The following WASF1 variants were observed in gnomAD, a reference collection of about 807,000 sequenced individuals.
WASF1 encodes WASP family member 1.
A neutral mutation model predicts 50.5 loss-of-function variants in WASF1; 7 were observed. That is an observed-to-expected ratio of 0.14 (90% CI 0.08 to 0.26). The LOEUF is 0.26. Among genes scored for constraint, WASF1 ranks in the 10% least tolerant of loss-of-function variants. The probability of loss-of-function intolerance (pLI) is 1.00; values close to 1 mark genes in which losing one functional copy is unlikely to be tolerated. For missense variants in WASF1, 470 were observed against 694.7 expected (o/e 0.68, Z 3.64); for synonymous variants, 205 against 244.0 (o/e 0.84, Z 1.49).
chr6:110,151,959 T>C (rs1453226499), intron 3 of WASF1, among the ~76,000 whole-genome samples: 1 of 152,138 alleles, frequency 6.6e-6, no homozygotes, highest in Non-Finnish European at 1.5e-5. Flanking sequence ...AAAAAAAATA[T>C]AAACTTTATT....
chr6:110,132,082 T>C (rs1774701931), intron 3 of WASF1, among the ~76,000 whole-genome samples: 1 of 152,188 alleles, frequency 6.6e-6, no homozygotes, highest in Non-Finnish European at 1.5e-5. Context: ...CTTAATGTTT[T>C]ATAGTTTTCT....
chr6:110,114,244 T>C (rs1773694936), intron 4 of WASF1, among the ~76,000 whole-genome samples: 1 of 152,176 alleles, frequency 6.6e-6, no homozygotes, highest in African/African-American at 2.4e-5. Context: ...CTTGAATACA[T>C]TGTGAGACTC....
chr6:110,159,126 T>C (rs1776155703), intron 3 of WASF1, among the ~76,000 whole-genome samples: 1 of 151,980 alleles, frequency 6.6e-6, no homozygotes, highest in African/African-American at 2.4e-5. Context: ...AACAGCATTT[T>C]GCGTTTTGAC....
chr6:110,177,412 C>G (rs1049834575), intron 2 of WASF1, among the ~76,000 whole-genome samples: 8 of 152,074 alleles, frequency 5.3e-5, no homozygotes, highest in Non-Finnish European at 7.4e-5. Context: ...AGGCATACCT[C>G]TCCAAAGCAA....
At chr6:110,132,921 T>C (rs1485264405) in intron 3 of WASF1, among the ~76,000 whole-genome samples, 7 of 143,208 alleles carry the variant, frequency 4.9e-5, no homozygotes, top group Admixed American at 2.2e-4. Flanking sequence ...TATATATATA[T>C]ACATATACAC....
At chr6:110,101,064 C>T (rs558609509) in intron 10 of WASF1, among the ~76,000 whole-genome samples, 13 of 152,238 alleles carry the variant, frequency 8.5e-5, no homozygotes, top group Non-Finnish European at 5.9e-5. Flanking sequence ...GGGAAAGGCA[C>T]TATTATTCAT....
At chr6:110,154,513 C>T (rs1472031534) in intron 3 of WASF1, among the ~76,000 whole-genome samples, 1 of 151,924 alleles carries the variant, frequency 6.6e-6, no homozygotes, top group African/African-American at 2.4e-5. Context: ...GAAAGTTCCA[C>T]AAAATTTCAC....
chr6:110,154,759 G>C (rs774087132), intron 3 of WASF1, among the ~76,000 whole-genome samples: 20 of 152,036 alleles, frequency 1.3e-4, no homozygotes, highest in Non-Finnish European at 2.5e-4. Flanking sequence ...TATTGCAACG[G>C]AGTCATTTGA....
chr6:110,153,081 T>C (rs1775895350), intron 3 of WASF1, among the ~76,000 whole-genome samples: 1 of 152,210 alleles, frequency 6.6e-6, no homozygotes. Flanking sequence ...GAAATTTGGG[T>C]AATATTCCGG....
rs1775356041 is a variant in WASF1 at position 110,143,442 on chromosome 6, A to G, written c.-28-15813T>C. Among the ~76,000 whole-genome samples, 5 of 152,104 alleles carry G rather than the reference A, an allele frequency of 3.3e-5. No homozygotes were observed. The South Asian group carries it at 1.0e-3, about 32-fold the overall frequency. On this transcript the variant is annotated intron_variant, in intron 3 of 10. Transcript: ENST00000392589. ...AAATGAGGCATATATATGTATGAGT[A>G]TAAGCAATATATAAAGTATTAAAAA... is the stretch of plus-strand genomic sequence containing the variant.
chr6:110,164,152 G>A (rs1776375300), intron 2 of WASF1, among the ~76,000 whole-genome samples: 1 of 151,548 alleles, frequency 6.6e-6, no homozygotes, highest in Admixed American at 6.6e-5. Flanking sequence ...GTTTGAAGAT[G>A]ACATTTTAAA....
chr6:110,172,234 G>C (rs1341812133), intron 2 of WASF1, among the ~76,000 whole-genome samples: 1 of 152,142 alleles, frequency 6.6e-6, no homozygotes. Context: ...AAATGCACAC[G>C]TATGTTTATT....
intron 3 of WASF1, among the ~76,000 whole-genome samples, chr6:110,135,993 T>C (rs1465271815): frequency 1.3e-5 from 2 of 150,940 alleles, no homozygotes; most frequent in Non-Finnish European, 3.0e-5. Context: ...ATGCCATTCT[T>C]CTGCCTCAGC....
intron 2 of WASF1, among the ~76,000 whole-genome samples, chr6:110,168,316 T>A (rs943364790): frequency 6.6e-6 from 1 of 152,076 alleles, no homozygotes; most frequent in Non-Finnish European, 1.5e-5. Flanking sequence ...AAATTTACAT[T>A]TTATTTTTAA....
intron 4 of WASF1, among the ~76,000 whole-genome samples, chr6:110,124,235 C>CCCT (rs1562170286): frequency 2.5e-3 from 28 of 11,026 alleles, no homozygotes; most frequent in Non-Finnish European, 3.9e-3. Flanking sequence ...TCCTCTCTCT[C>CCCT]CTCTCTCTCT....
At chr6:110,148,235 CCATT>C (rs779339902) in intron 3 of WASF1, among the ~76,000 whole-genome samples, 31 of 152,068 alleles carry the variant, frequency 2.0e-4, no homozygotes, top group East Asian at 5.8e-4. Context: ...ACACTGCCAT[CCATT>C]CATTCATTCA....
chr6:110,174,700 G>A (rs1776852470), intron 2 of WASF1, among the ~76,000 whole-genome samples: 1 of 152,110 alleles, frequency 6.6e-6, no homozygotes, highest in Admixed American at 6.5e-5. Context: ...ACAGAATCTT[G>A]TACATCTAGC....
intron 3 of WASF1, among the ~76,000 whole-genome samples, chr6:110,145,695 T>C (rs1435293535): frequency 6.6e-6 from 1 of 152,186 alleles, no homozygotes; most frequent in Non-Finnish European, 1.5e-5. Flanking sequence ...GTCAAAGGCC[T>C]TTTCTGCATC....
chr6:110,134,330 T>C (rs1211822460), intron 3 of WASF1, among the ~76,000 whole-genome samples: 3 of 152,188 alleles, frequency 2.0e-5, no homozygotes, highest in East Asian at 1.9e-4. Flanking sequence ...TTCCCCACTT[T>C]ATGTTTTCAT....
Sources: allele counts gnomAD v4.1 joint callset (sites outside exome capture counted in the v4.1 genomes callset), GRCh38; gene constraint gnomAD v4.1.1; transcripts MANE v1.5; gene names NCBI Gene and HGNC (gene_info 2026-07-23, HGNC 2026-07-21).